ZNF708: variants seen among roughly 807,000 people sequenced by gnomAD.
The protein encoded by ZNF708 is ZNF15, ZNF15L1.
A neutral mutation model predicts 47.0 loss-of-function variants in ZNF708; 44 were observed. The observed-to-expected ratio is 0.94, with a 90% confidence interval of 0.74 to 1.20. ZNF708 has a LOEUF of 1.20. ZNF708 is among the 50% of genes most tolerant of loss of function. The pLI, the probability that ZNF708 is intolerant of heterozygous loss-of-function variation, is 0.00. For synonymous variants in ZNF708, 184 were observed against 218.5 expected (o/e 0.84, Z 1.39); for missense variants, 557 against 656.0 (o/e 0.85, Z 1.65).
At chr19:21,296,527 A>T (rs946785849) in intron 3 of ZNF708, among the ~76,000 whole-genome samples, 3 of 151,988 alleles carry the variant, frequency 2.0e-5, no homozygotes, top group African/African-American at 7.2e-5. Flanking sequence ...AATAAATAAA[A>T]AAGAACTGTC....
chr19:21,324,128 C>A (rs1001992533), intron 1 of ZNF708, among the ~76,000 whole-genome samples: 2 of 152,064 alleles, frequency 1.3e-5, no homozygotes, highest in African/African-American at 2.4e-5. Context: ...CTTGTAGTCC[C>A]TGCTACTGGG....
intron 1 of ZNF708, among the ~76,000 whole-genome samples, chr19:21,324,802 G>A (rs997608776): frequency 6.6e-6 from 1 of 152,056 alleles, no homozygotes; most frequent in Non-Finnish European, 1.5e-5. Context: ...TTAAAACTAG[G>A]AAATCAAGAT....
chr19:21,294,130 G>C lies in ZNF708; in HGVS notation c.836C>G (p.Pro279Arg). 1 of 1,612,582 alleles carries C rather than the reference G, an allele frequency of 6.2e-7. No individual in the cohort carries two copies. Among genetic ancestry groups the C allele is most frequent in the Non-Finnish European group, 8.5e-7 (1 of 1,179,692 alleles). ...TTTGCCACATTCTTCACATTTGTAG[G>C]GTTTCTCTCCAGTATGAACTATCTT... ...KHKIVHTGEK[P>R]YKCEECGKAF... is the part of the protein sequence containing the mutation. The change falls in exon 4 of 4, where the codon CCC becomes CGC. Residue 279 changes from proline to arginine, a missense_variant. Transcript: ENST00000356929.
intron 2 of ZNF708, among the ~76,000 whole-genome samples, chr19:21,310,137 G>C (rs1972866048): frequency 6.6e-6 from 1 of 151,984 alleles, no homozygotes; most frequent in African/African-American, 2.4e-5. Flanking sequence ...AGTATATTAG[G>C]AATTGTATAT....
chr19:21,310,620 A>G lies in ZNF708; in HGVS notation c.11T>C (p.Leu4Ser), dbSNP rs757607069. The stretch of plus-strand genomic sequence containing the variant: ...TTCTATGGCCACATCCATAAATGTC[A>G]ATGGTCCCTGAAAAACACATACACA... Reference protein sequence around the residue: MGPLTFMDVAIEFS... With the variant: MGPSTFMDVAIEFS... Residue 4 changes from leucine to serine, a missense_variant, in exon 2 of 4, where the codon TTG becomes TCG. Transcript: ENST00000356929. 2.6e-6 allele frequency: 4 copies of G among 1,535,038 alleles called. No homozygotes were observed. The East Asian group carries it at 9.9e-5, about 38-fold the overall frequency.
intron 1 of ZNF708, among the ~76,000 whole-genome samples, chr19:21,328,484 G>A (rs1315873093): frequency 6.6e-6 from 1 of 152,170 alleles, no homozygotes; most frequent in Non-Finnish European, 1.5e-5. Flanking sequence ...CTGGAGGAAT[G>A]GGGCTGGGAG....
chr19:21,316,226 C>T (rs1284889268), intron 1 of ZNF708, among the ~76,000 whole-genome samples: 5 of 150,488 alleles, frequency 3.3e-5, no homozygotes, highest in Non-Finnish European at 7.4e-5. Flanking sequence ...TTCCTCCTCC[C>T]GGATTCTCCT....
intron 1 of ZNF708, among the ~76,000 whole-genome samples, chr19:21,321,285 G>A (rs2145184714): frequency 1.3e-5 from 2 of 151,906 alleles, no homozygotes; most frequent in African/African-American, 4.8e-5. Flanking sequence ...ACTTGAGGGT[G>A]GAAGGTGGAA....
At chr19:21,310,063 C>T (rs1262095998) in intron 2 of ZNF708, among the ~76,000 whole-genome samples, 1 of 151,778 alleles carries the variant, frequency 6.6e-6, no homozygotes, top group Non-Finnish European at 1.5e-5. Flanking sequence ...GTAGTTGAAA[C>T]TCATTTATGT....
intron 3 of ZNF708, among the ~76,000 whole-genome samples, chr19:21,296,119 A>C (rs1231400633): frequency 6.6e-6 from 1 of 152,088 alleles, no homozygotes. Flanking sequence ...TAACTTTTCA[A>C]AAAAAACTGG....
chr19:21,297,262 ATATATATATTTTTTTTTTTTT>A lies in ZNF708; in HGVS notation c.227-2544_227-2524del, dbSNP rs1401816331. 7.1e-4 allele frequency among the ~76,000 whole-genome samples: 10 copies of A among 14,164 alleles called. 1 individual carries two copies. The highest frequency in any genetic ancestry group is 6.9e-3 in the East Asian group (5 of 720). The allele number at this position is 14,164 out of a possible 152,430, so 9.3% of individuals were successfully genotyped here. A position where few individuals can be genotyped will look rare whatever the true frequency, so the allele number is the denominator to read the frequency against. On this transcript the variant is annotated intron_variant, in intron 3 of 3. Coordinates refer to ENST00000356929, the MANE Select transcript of ZNF708 (RefSeq NM_021269.3). ...AAATAAGGTATATATATATATATAT[ATATATATATTTTTTTTTTTTT>A]TTTTTTTTTTTTTTTTCAGATGGAG...
In ZNF708 at chr19:21,311,701, T is replaced by C. The variant is rs186576317; in HGVS notation, c.4-1074A>G. On this transcript the variant is annotated intron_variant, in intron 1 of 3. Coordinates refer to ENST00000356929, the MANE Select transcript of ZNF708 (RefSeq NM_021269.3). ...AAAAGATGAAGACTTGCAGAAAAAG[T>C]CCACCCATTTCTGTCCTTAATAACA... Among the ~76,000 whole-genome samples, 6 of 152,218 alleles carry C rather than the reference T, an allele frequency of 3.9e-5. No individual in the cohort carries two copies. The East Asian group carries it at 7.7e-4, about 20-fold the overall frequency.
intron 1 of ZNF708, among the ~76,000 whole-genome samples, chr19:21,313,888 C>G (rs1004323809): frequency 2.0e-5 from 3 of 151,742 alleles, no homozygotes; most frequent in Admixed American, 6.6e-5. Context: ...ACTTGTGGAA[C>G]AACTACTGAA....
intron 3 of ZNF708, among the ~76,000 whole-genome samples, chr19:21,307,799 T>TA (rs1044498889): frequency 6.6e-6 from 1 of 152,018 alleles, no homozygotes; most frequent in Non-Finnish European, 1.5e-5. Context: ...AGTCAAAAAA[T>TA]AAAAAACCCA....
intron 1 of ZNF708, among the ~76,000 whole-genome samples, chr19:21,316,068 C>CAAAAA (rs71176850): frequency 5.8e-5 from 8 of 139,052 alleles, no homozygotes; most frequent in African/African-American, 1.9e-4. Flanking sequence ...AAACCTGTCT[C>CAAAAA]AAAAAAAAAA....
At chr19:21,294,834 T>G in intron 3 of ZNF708, 95 bp from the exon 4 acceptor site, 1 of 1,206,956 alleles carries the variant, frequency 8.3e-7, no homozygotes, top group Non-Finnish European at 1.1e-6. Flanking sequence ...CAAGATGACA[T>G]AGCAAAATAC....
At chr19:21,327,672 G>A (rs1973289883) in intron 1 of ZNF708, among the ~76,000 whole-genome samples, 1 of 152,010 alleles carries the variant, frequency 6.6e-6, no homozygotes. Context: ...TACTTTGTAA[G>A]TTCTTGCACC....
chr19:21,329,181 T>C, intron 1 of ZNF708, 29 bp downstream of exon 1: 2 of 1,611,476 alleles, frequency 1.2e-6, no homozygotes, highest in Non-Finnish European at 1.7e-6. Flanking sequence ...GCCCTTCCCC[T>C]CTCTCGGGAT....
chr19:21,314,326 A>G (rs933150603), intron 1 of ZNF708, among the ~76,000 whole-genome samples: 12 of 152,182 alleles, frequency 7.9e-5, no homozygotes, highest in African/African-American at 2.9e-4. Context: ...TATAACATAT[A>G]CTAATAAGCA....
Sources: gnomAD v4.1 joint callset for allele counts (sites outside exome capture counted in the v4.1 genomes callset) on GRCh38, gnomAD v4.1.1 for gene constraint, MANE v1.5 for transcripts, NCBI Gene and HGNC (gene_info 2026-07-23, HGNC 2026-07-21) for gene names.